The following USP34 variants were observed in gnomAD, a reference collection of about 807,000 sequenced individuals.
The protein encoded by USP34 is ubiquitin carboxyl-terminal hydrolase 34.
In USP34, 70 loss-of-function variants were observed where a neutral mutation model predicts 460.3. The ratio of observed to expected loss-of-function variants is 0.15; its 90% CI spans 0.13 to 0.19. The LOEUF is 0.19. Among genes scored for constraint, USP34 ranks in the 10% least tolerant of loss-of-function variants. USP34 has a pLI of 1.00. For missense variants in USP34, 3,985 were observed against 4,236.2 expected (o/e 0.94, Z 1.65); for synonymous variants, 1,647 against 1,405.3 (o/e 1.17, Z -3.85).
At chr2:61,450,095 T>C (rs1414685398) in intron 1 of USP34, among the ~76,000 whole-genome samples, 1 of 87,572 alleles carries the variant, frequency 1.1e-5, no homozygotes, top group Non-Finnish European at 2.3e-5. Context: ...ACAAAAAGTC[T>C]TAAACAAAAA....
intron 1 of USP34, among the ~76,000 whole-genome samples, chr2:61,439,019 AC>A (rs2104018427): frequency 6.6e-6 from 1 of 152,364 alleles, no homozygotes; most frequent in East Asian, 1.9e-4. Context: ...GTTTCCATAT[AC>A]AAACAATACA....
chr2:61,396,650 G>A (rs527774239), intron 3 of USP34, among the ~76,000 whole-genome samples: 3 of 151,948 alleles, frequency 2.0e-5, no homozygotes, highest in East Asian at 1.9e-4. Flanking sequence ...CACCATGCCC[G>A]GCTAATTTTT....
intron 57 of USP34, 64 bp from the exon 58 acceptor site, chr2:61,232,596 T>C (rs923189354): frequency 3.1e-6 from 4 of 1,270,128 alleles, no homozygotes; most frequent in African/African-American, 3.0e-5. Context: ...GGGATAACAG[T>C]CACATAAGAA....
chr2:61,324,488 C>A (rs1691023944), intron 21 of USP34, among the ~76,000 whole-genome samples: 1 of 152,116 alleles, frequency 6.6e-6, no homozygotes. Context: ...ATAAAAGATG[C>A]AGTCAGCCAG....
intron 2 of USP34, among the ~76,000 whole-genome samples, chr2:61,418,714 A>T (rs1441320523): frequency 6.6e-6 from 1 of 152,234 alleles, no homozygotes; most frequent in African/African-American, 2.4e-5. Flanking sequence ...AGAGAGGAAG[A>T]TGGAAATAGA....
chr2:61,267,153 C>G (rs1689073743), intron 41 of USP34, among the ~76,000 whole-genome samples: 5 of 152,162 alleles, frequency 3.3e-5, no homozygotes, highest in Admixed American at 2.6e-4. Context: ...CTGGCTTCCT[C>G]CAGACTTCGC....
chr2:61,288,616 A>G (rs1027461571), intron 34 of USP34, 61 bp downstream of exon 34: 1 of 1,538,834 alleles, frequency 6.5e-7, no homozygotes, highest in Admixed American at 1.7e-5. Flanking sequence ...GCATTAGCAT[A>G]TTTCTTCAGT....
chr2:61,330,155 C>T (rs1411542744), intron 20 of USP34, among the ~76,000 whole-genome samples: 2 of 152,170 alleles, frequency 1.3e-5, no homozygotes, highest in Non-Finnish European at 2.9e-5. Context: ...TACAGAAGCT[C>T]GCTCTATTCT....
At chr2:61,341,033 T>C (rs1472260568) in intron 16 of USP34, among the ~76,000 whole-genome samples, 1 of 152,170 alleles carries the variant, frequency 6.6e-6, no homozygotes, top group East Asian at 1.9e-4. Context: ...TTGAGGAGCT[T>C]TCTTTCCTTA....
Position 61,188,408 on chromosome 2 carries a change from G to T in USP34, c.10335C>A (p.Asp3445Glu), listed in dbSNP as rs373276020. 6.2e-6 allele frequency: 10 copies of T among 1,614,016 alleles called. No individual in the cohort carries two copies. The African/African-American group carries it at 1.3e-4, about 22-fold the overall frequency. ...AEEQSNNGRY[D>E]DCKEFKDLHC... is the part of the protein sequence containing the mutation. ...GGAGGTCTTTAAATTCTTTACAATC[G>T]TCATATCTACCATTGTTGGACTGTT... The change falls in exon 80 of 80, where the codon GAC (aspartate) becomes GAA (glutamate). Residue 3445 changes from aspartate (D) to glutamate (E), a missense_variant. Asp to Glu is a conservative substitution (Grantham distance 45, BLOSUM62 2). Around this residue, in one of 14 missense-constraint regions of USP34, gnomAD observed 506 missense variants for 439.0 expected, o/e 1.15. Coordinates refer to ENST00000398571, the MANE Select transcript of USP34 (RefSeq NM_014709.4).
At chr2:61,253,411 A>G (rs1024677979) in intron 48 of USP34, among the ~76,000 whole-genome samples, 3 of 152,182 alleles carry the variant, frequency 2.0e-5, no homozygotes, top group African/African-American at 7.2e-5. Context: ...TCCATTTTAT[A>G]TACGTCCCTA....
chr2:61,356,586 T>C (rs1451223543), intron 10 of USP34, among the ~76,000 whole-genome samples: 1 of 152,070 alleles, frequency 6.6e-6, no homozygotes, highest in Non-Finnish European at 1.5e-5. Flanking sequence ...TTGAAGAGAT[T>C]AGGCTAAGTG....
chr2:61,266,553 G>T lies in USP34; in HGVS notation c.5434-386C>A, dbSNP rs570284771. On this transcript the variant is annotated intron_variant, in intron 41 of 79. Transcript: ENST00000398571. ...AATAAATAATAGCAACAATAACAGT[G>T]GCAAAATCAACAGTTTACTTATACT... 4.6e-5 allele frequency among the ~76,000 whole-genome samples: 7 copies of T among 152,248 alleles called. No homozygotes were observed. The East Asian group carries it at 1.3e-3, about 29-fold the overall frequency.
In USP34 at chr2:61,405,561, G is replaced by T. The variant is rs561148756; in HGVS notation, c.552+147C>A. 1.7e-5 allele frequency: 14 copies of T among 845,604 alleles called. No individual in the cohort carries two copies. In the South Asian group the frequency reaches 3.1e-4, roughly 19 times the overall value. 52.4% of individuals were successfully genotyped at this position (845,604 alleles called of 1,614,324 possible). A position where few individuals can be genotyped will look rare whatever the true frequency, so the allele number is the denominator to read the frequency against. On this transcript the variant is annotated intron_variant, in intron 3 of 79. Transcript: ENST00000398571. ...CAAATTTTCAGCACAAACTGCTGAA[G>T]AAATGCTCTGGAGAAACATTAAATA...
At chr2:61,326,950 A>AT (rs896486056) in intron 20 of USP34, among the ~76,000 whole-genome samples, 74 of 148,762 alleles carry the variant, frequency 5.0e-4, no homozygotes, top group African/African-American at 1.5e-3. Context: ...CACCCAGCTG[A>AT]TTTTTTTTTT....
At chr2:61,445,985 C>T (rs1695104155) in intron 1 of USP34, among the ~76,000 whole-genome samples, 1 of 151,390 alleles carries the variant, frequency 6.6e-6, no homozygotes, top group African/African-American at 2.4e-5. Flanking sequence ...ACTTGGTGGG[C>T]ACCTGTAATC....
At chr2:61,208,276 C>T (rs1302174509) in intron 70 of USP34, 1 of 152,270 alleles carries the variant, frequency 6.6e-6, no homozygotes, top group African/African-American at 2.4e-5. Context: ...TCTCACATAC[C>T]TGTGACCAGG....
intron 43 of USP34, 98 bp from the exon 44 acceptor site, chr2:61,259,874 TTTCA>T (rs1261711136): frequency 2.9e-6 from 3 of 1,041,906 alleles, no homozygotes; most frequent in Non-Finnish European, 4.2e-6. Context: ...CTGTATCTGT[TTTCA>T]TTCTTTTGGC....
intron 10 of USP34, among the ~76,000 whole-genome samples, chr2:61,367,545 A>C (rs764438945): frequency 6.6e-6 from 1 of 152,192 alleles, no homozygotes; most frequent in Admixed American, 6.5e-5. Context: ...TACCACAACC[A>C]ACCTAAGAAT....
Sources: allele counts gnomAD v4.1 joint callset (sites outside exome capture counted in the v4.1 genomes callset), GRCh38; gene constraint gnomAD v4.1.1; regional missense constraint gnomAD v4.1.1; transcripts MANE v1.5; gene names NCBI Gene and HGNC (gene_info 2026-07-23, HGNC 2026-07-21).